Variants in XKR4 observed in about 807,000 individuals in gnomAD.
XKR4 encodes the protein XK related 4.
Under a neutral mutation model 53.9 loss-of-function variants are expected in XKR4, and 12 were observed. That is an observed-to-expected ratio of 0.22 (90% confidence interval 0.14 to 0.36). The LOEUF (loss-of-function observed/expected upper bound fraction) is 0.36, where lower values mean the gene tolerates loss of function less well. XKR4 is among the 10% of genes least tolerant of loss of function. XKR4 has a pLI of 1.00. For missense variants in XKR4, 799 were observed against 859.5 expected, an observed-to-expected ratio of 0.93 and a Z score of 0.88; for synonymous variants, 354 against 362.4, an observed-to-expected ratio of 0.98 and a Z score of 0.26.
intron 2 of XKR4, among the ~76,000 whole-genome samples, chr8:55,459,100 T>C (rs897751066): frequency 3.3e-5 from 5 of 152,152 alleles, no homozygotes; most frequent in Admixed American, 6.5e-5. Context: ...AGGAACAGAA[T>C]ATAGAGTCCA....
At chr8:55,142,156 C>CT (rs1388173701) in intron 1 of XKR4, 1 of 455,994 alleles carries the variant, frequency 2.2e-6, no homozygotes, top group East Asian at 6.9e-5. Flanking sequence ...GCCCACTGGC[C>CT]TCACTGCTGC....
intron 2 of XKR4, among the ~76,000 whole-genome samples, chr8:55,388,157 C>A (rs1373839354): frequency 1.3e-5 from 2 of 152,128 alleles, no homozygotes; most frequent in Non-Finnish European, 2.9e-5. Flanking sequence ...ATGTTTGCAA[C>A]CAGGGCAGCC....
chr8:55,285,127 T>C (rs563892398), intron 1 of XKR4, among the ~76,000 whole-genome samples: 259 of 152,360 alleles, frequency 1.7e-3, no homozygotes, highest in African/African-American at 6.0e-3. Flanking sequence ...TTGTAAGGGC[T>C]TTACTACTTG....
At chr8:55,425,057 C>T (rs1206081077) in intron 2 of XKR4, among the ~76,000 whole-genome samples, 1 of 152,188 alleles carries the variant, frequency 6.6e-6, no homozygotes, top group African/African-American at 2.4e-5. Flanking sequence ...GCTGTGACTG[C>T]CCTCTAATGA....
intron 2 of XKR4, among the ~76,000 whole-genome samples, chr8:55,371,910 G>A (rs1295574083): frequency 2.0e-5 from 3 of 152,294 alleles, no homozygotes; most frequent in East Asian, 1.9e-4. Flanking sequence ...ATGAAATAAG[G>A]GGCCTGACTA....
intron 2 of XKR4, among the ~76,000 whole-genome samples, chr8:55,519,081 C>T (rs926424895): frequency 6.6e-6 from 1 of 152,150 alleles, no homozygotes; most frequent in Non-Finnish European, 1.5e-5. Context: ...ACAATTTTCA[C>T]CCAAGATAAA....
chr8:55,141,317 C>T (rs1242262553), intron 1 of XKR4, among the ~76,000 whole-genome samples: 4 of 152,194 alleles, frequency 2.6e-5, no homozygotes, highest in Admixed American at 2.6e-4. Flanking sequence ...TATTCTTCTT[C>T]TCTTCCCCTG....
chr8:55,282,291 C>G (rs772001959), intron 1 of XKR4, among the ~76,000 whole-genome samples: 1 of 152,150 alleles, frequency 6.6e-6, no homozygotes, highest in Non-Finnish European at 1.5e-5. Context: ...GGTCACAGCA[C>G]AATGCATAAT....
At chr8:55,284,238 T>C (rs778413610) in intron 1 of XKR4, among the ~76,000 whole-genome samples, 1 of 152,240 alleles carries the variant, frequency 6.6e-6, no homozygotes, top group Non-Finnish European at 1.5e-5. Flanking sequence ...GGTTATATAA[T>C]GTGAACTCTC....
intron 2 of XKR4, among the ~76,000 whole-genome samples, chr8:55,464,781 A>T (rs572271838): frequency 6.6e-6 from 1 of 152,340 alleles, no homozygotes; most frequent in African/African-American, 2.4e-5. Flanking sequence ...AAGCAACTTC[A>T]GCAAAGTCTC....
intron 2 of XKR4, among the ~76,000 whole-genome samples, chr8:55,370,075 A>G (rs1445455089): frequency 2.6e-5 from 4 of 152,208 alleles, no homozygotes; most frequent in Non-Finnish European, 5.9e-5. Context: ...AAAAACAACA[A>G]CAACAACAAC....
intron 1 of XKR4, among the ~76,000 whole-genome samples, chr8:55,348,645 G>C (rs202083913): frequency 6.8e-6 from 1 of 147,394 alleles, no homozygotes; most frequent in African/African-American, 2.6e-5. Flanking sequence ...GATGAATAGA[G>C]ATAATGGATA....
intron 1 of XKR4, among the ~76,000 whole-genome samples, chr8:55,235,734 A>C (rs2129367525): frequency 6.6e-6 from 1 of 152,326 alleles, no homozygotes; most frequent in African/African-American, 2.4e-5. Context: ...ACGCTGCAGC[A>C]ATAGAAAGGA....
chr8:55,286,447 G>T (rs906619331), intron 1 of XKR4, among the ~76,000 whole-genome samples: 2 of 152,204 alleles, frequency 1.3e-5, no homozygotes, highest in Non-Finnish European at 2.9e-5. Context: ...CCAAGGGGCA[G>T]CCTCTTTGGT....
At chr8:55,359,271 T>A (rs541189321) in intron 2 of XKR4, among the ~76,000 whole-genome samples, 1 of 152,316 alleles carries the variant, frequency 6.6e-6, no homozygotes, top group African/African-American at 2.4e-5. Flanking sequence ...GCCTGGGCTC[T>A]GGCTGTCTCA....
intron 2 of XKR4, among the ~76,000 whole-genome samples, chr8:55,426,380 C>T (rs757298814): frequency 3.3e-5 from 5 of 152,138 alleles, no homozygotes; most frequent in Admixed American, 6.5e-5. Flanking sequence ...TGCGCTCTCT[C>T]TCTCTCTCTG....
intron 2 of XKR4, among the ~76,000 whole-genome samples, chr8:55,472,395 A>G (rs1023139607): frequency 2.0e-5 from 3 of 152,166 alleles, no homozygotes; most frequent in African/African-American, 7.2e-5. Context: ...AGATGTGAAT[A>G]TGTTCTATTT....
chr8:55,442,224 A>G (rs1488288227), intron 2 of XKR4, among the ~76,000 whole-genome samples: 1 of 152,210 alleles, frequency 6.6e-6, no homozygotes, highest in Non-Finnish European at 1.5e-5. Context: ...ACTTGGTTGA[A>G]TTGGACAAAG....
intron 2 of XKR4, among the ~76,000 whole-genome samples, chr8:55,403,435 GT>G: frequency 6.6e-6 from 1 of 152,176 alleles, no homozygotes. Flanking sequence ...TTCAAACTAT[GT>G]TTTTTAGGCA....
Sources: gnomAD v4.1 joint callset for allele counts (sites outside exome capture counted in the v4.1 genomes callset) on GRCh38, gnomAD v4.1.1 for gene constraint, MANE v1.5 for transcripts, NCBI Gene and HGNC (gene_info 2026-07-23, HGNC 2026-07-21) for gene names.